Variants in TMEM223 observed in about 807,000 individuals in gnomAD.
TMEM223 encodes the protein transmembrane protein 223.
Under a neutral mutation model 14.1 loss-of-function variants are expected in TMEM223, and 14 were observed. That is an observed-to-expected ratio of 0.99 (90% CI 0.66 to 1.55). TMEM223 has a LOEUF of 1.55. Among genes scored for constraint, TMEM223 ranks in the 40% most tolerant of loss-of-function variants. TMEM223 has a pLI of 0.00. For missense variants in TMEM223, 346 were observed against 269.9 expected (o/e 1.28, Z -1.97); for synonymous variants, 145 against 120.5 (o/e 1.20, Z -1.33).
At chr11:62,787,387 G>C (rs571074995), downstream of TMEM223, 2 of 1,554,694 alleles carry the variant, frequency 1.3e-6, no homozygotes, top group Non-Finnish European at 1.7e-6. Flanking sequence ...GGTGGGCTTT[G>C]GGCGGGGTGC....
At chr11:62,789,637 T>C, downstream of TMEM223, 1 of 1,551,020 alleles carries the variant, frequency 6.4e-7, no homozygotes, top group Non-Finnish European at 8.7e-7. Flanking sequence ...GGACACCCCC[T>C]GGAACTGCTC....
Position 62,781,395 on chromosome 11 carries a change from C to T in TMEM223, c.315-6730G>A, listed in dbSNP as rs149628223. On this transcript the variant is annotated intron_variant, in intron 1 of 2. Coordinates refer to the TMEM223 transcript ENST00000528367. ...TTCTCAGTTAAAAATGTTGGATGGC[C>T]GGGCGCGGTGGCTCACGCCTGTAAT... 3.9e-3 allele frequency among the ~76,000 whole-genome samples: 593 copies of T among 151,602 alleles called. 2 individuals carry two copies. Among genetic ancestry groups the T allele is most frequent in the Middle Eastern group, 0.01 (3 of 294 alleles).
chr11:62,786,185 C>G, downstream of TMEM223: 1 of 1,539,044 alleles, frequency 6.5e-7, no homozygotes, highest in South Asian at 1.2e-5. Context: ...AAAGGTAGGT[C>G]TTTCATGGGA....
downstream of TMEM223, chr11:62,786,433 G>A (rs1292459670): frequency 3.1e-6 from 5 of 1,600,828 alleles, no homozygotes; most frequent in East Asian, 2.3e-5. Flanking sequence ...CATGAGCTTA[G>A]CAGCCAAGCA....
downstream of TMEM223, chr11:62,787,500 G>A: frequency 6.3e-7 from 1 of 1,577,978 alleles, no homozygotes; most frequent in Non-Finnish European, 8.5e-7. Context: ...GCGGGGCCGT[G>A]GCGGCCGCGG....
chr11:62,791,598 CCT>C, intron 1 of TMEM223, 79 bp downstream of exon 1: 1 of 1,405,164 alleles, frequency 7.1e-7, no homozygotes, highest in Non-Finnish European at 9.4e-7. Context: ...ATAGGGAGTC[CCT>C]GACTCTCCCT....
At chr11:62,774,059 A>G (rs2084168289) in intron 2 of TMEM223, among the ~76,000 whole-genome samples, 1 of 152,000 alleles carries the variant, frequency 6.6e-6, no homozygotes, top group African/African-American at 2.4e-5. Context: ...CTCCAGAGCC[A>G]TTGTTCAGAT....
At chr11:62,781,653 A>G (rs2084230550) in intron 1 of TMEM223, 1 of 345,026 alleles carries the variant, frequency 2.9e-6, no homozygotes, top group South Asian at 2.3e-5. Context: ...ACAGAGCGAG[A>G]CTCGGTCTCA....
intron 1 of TMEM223, among the ~76,000 whole-genome samples, chr11:62,779,976 A>ATATATATATATATTT (rs1294367864): frequency 1.9e-5 from 1 of 52,632 alleles, no homozygotes; most frequent in African/African-American, 7.7e-5. Flanking sequence ...ATATATATAT[A>ATATATATATATATTT]TTTTTTTTTT....
chr11:62,775,965 T>C, intron 1 of TMEM223: 3 of 1,570,732 alleles, frequency 1.9e-6, no homozygotes, highest in South Asian at 1.2e-5. Flanking sequence ...CCTCCAACTT[T>C]CCTTGTTTCT....
At position 62,792,001 on chromosome 11, in the gene TMEM223, C is replaced by T. The variant is rs1183465919; in HGVS notation, c.-7G>A. ...GCCTCCAAGGCGCCGCCATGGCCAGCCGACTTCCGGGGTGGGGCTTCCTGC... is the reference window on the plus strand; with the variant it reads ...GCCTCCAAGGCGCCGCCATGGCCAGTCGACTTCCGGGGTGGGGCTTCCTGC... On this transcript the variant is annotated 5_prime_UTR_variant, in exon 1 of 2. Coordinates refer to ENST00000307366, the MANE Select transcript of TMEM223 (RefSeq NM_001080501.3). 2.0e-6 allele frequency: 3 copies of T among 1,518,500 alleles called. No individual in the cohort carries two copies. In the African/African-American group the frequency reaches 4.2e-5, roughly 21 times the overall value. 94.1% of individuals were successfully genotyped at this position (1,518,500 alleles called of 1,614,324 possible).
chr11:62,776,688 T>C (rs1020550082), intron 1 of TMEM223, among the ~76,000 whole-genome samples: 3 of 151,756 alleles, frequency 2.0e-5, no homozygotes, highest in Non-Finnish European at 4.4e-5. Context: ...CCTTCTTTAC[T>C]AAAAATACAG....
In TMEM223 at chr11:62,791,870, C is replaced by A; in HGVS notation, c.125G>T (p.Gly42Val). The part of the protein sequence containing the change: ...RDVLLFEHDR[G>V]RFFTILGLFC... ...CAGCCCGAGGATGGTGAAGAAGCGG[C>A]CCCGATCATGCTCAAAGAGCAGCAC... Residue 42 changes from glycine to valine, a missense_variant, in exon 1 of 2, where the codon GGC (glycine) becomes GTC (valine). Transcript: ENST00000307366. 6.3e-7 allele frequency: 1 copy of A among 1,593,490 alleles called. No individual in the cohort carries two copies.
chr11:62,783,737 T>C (rs185178218), downstream of TMEM223, among the ~76,000 whole-genome samples: 1 of 151,762 alleles, frequency 6.6e-6, no homozygotes, highest in Non-Finnish European at 1.5e-5. Flanking sequence ...TTCATCATGT[T>C]AGCCAGGCTG....
Position 62,790,708 on chromosome 11 carries a change from C to A in TMEM223, c.524G>T (p.Arg175Leu). 4 of 1,611,702 alleles carry A rather than the reference C, an allele frequency of 2.5e-6. No individual in the cohort carries two copies. The highest frequency in any genetic ancestry group is 3.4e-6 in the Non-Finnish European group (4 of 1,178,864). The part of the protein sequence containing the change: ...AMLPLKVKGR[R>L]FYFLLDKTGH... Reference sequence around the variant, plus strand: ...AGTTTTGTCCAAGAGGAAATAGAAGCGTCGGCCTTTGACTTTCAGAGGTAG... The same window carrying A: ...AGTTTTGTCCAAGAGGAAATAGAAGAGTCGGCCTTTGACTTTCAGAGGTAG... Residue 175 changes from arginine (R) to leucine (L), a missense_variant, in exon 2 of 2, where the codon CGC (arginine) becomes CTC (leucine). Coordinates refer to ENST00000307366, the MANE Select transcript of TMEM223 (RefSeq NM_001080501.3).
downstream of TMEM223, among the ~76,000 whole-genome samples, chr11:62,785,616 C>A (rs1012881687): frequency 1.3e-5 from 2 of 150,292 alleles, no homozygotes; most frequent in Middle Eastern, 3.2e-3. Flanking sequence ...CTCACTGCAA[C>A]CTCTGCCCCC....
At chr11:62,782,226 C>T in intron 1 of TMEM223, 2 of 1,614,218 alleles carry the variant, frequency 1.2e-6, no homozygotes, top group Non-Finnish European at 1.7e-6. Flanking sequence ...GTCTGGTGGG[C>T]AGTGTCCTCT....
At chr11:62,778,140 G>A (rs752949080) in intron 1 of TMEM223, 1 of 1,614,140 alleles carries the variant, frequency 6.2e-7, no homozygotes, top group East Asian at 2.2e-5. Flanking sequence ...TGGCTGCCGG[G>A]GTCCTGCATG....
At chr11:62,789,853 C>T (rs747955271), downstream of TMEM223, 14 of 1,600,768 alleles carry the variant, frequency 8.7e-6, no homozygotes, top group Admixed American at 1.7e-5. Context: ...GAAATGGTCC[C>T]ACTCCTGACG....
Sources: allele counts gnomAD v4.1 joint callset (sites outside exome capture counted in the v4.1 genomes callset), GRCh38; gene constraint gnomAD v4.1.1; transcripts MANE v1.5; gene names NCBI Gene and HGNC (gene_info 2026-07-23, HGNC 2026-07-21).